Variants in GAN observed in about 807,000 individuals in gnomAD.
GAN encodes epididymis secretory sperm binding protein.
In GAN, 48 loss-of-function variants were observed where a neutral mutation model predicts 71.3. The observed-to-expected ratio is 0.67, with a 90% confidence interval of 0.53 to 0.86. GAN has a LOEUF of 0.86. Ranked by LOEUF, GAN falls within the 40% of genes least tolerant of loss-of-function variation. The pLI is 0.00. For missense variants in GAN, 928 were observed against 770.1 expected (o/e 1.21, Z -2.43); for synonymous variants, 386 against 276.8 (o/e 1.39, Z -3.92).
At chr16:81,320,204 T>C (rs1238464701) in intron 1 of GAN, among the ~76,000 whole-genome samples, 1 of 152,210 alleles carries the variant, frequency 6.6e-6, no homozygotes, top group Non-Finnish European at 1.5e-5. Flanking sequence ...AGGAGACTAA[T>C]AGGATCTCTG....
rs1487225384 is a variant in GAN at position 81,389,219 on chromosome 16, T to G, written c.*11623T>G. 6.6e-6 allele frequency: 1 copy of G among 152,232 alleles called. No individual in the cohort carries two copies. Among genetic ancestry groups the G allele is most frequent in the East Asian group, 1.9e-4 (1 of 5,200 alleles). The allele number at this position is 152,232 out of a possible 1,614,324, so 9.4% of individuals were successfully genotyped here. ...TATTAGCACAACTTGCTTCATTAAA[T>G]AATTCGTGGCTTTTTCTGCCACTGG... On this transcript the variant is annotated 3_prime_UTR_variant, in exon 11 of 11. Transcript: ENST00000648994.
At chr16:81,330,559 G>C (rs1909541921) in intron 1 of GAN, among the ~76,000 whole-genome samples, 1 of 152,264 alleles carries the variant, frequency 6.6e-6, no homozygotes, top group Admixed American at 6.5e-5. Context: ...AAATGGAGGA[G>C]AGGAGACAGG....
At chr16:81,351,913 C>G (rs769297517) in intron 2 of GAN, among the ~76,000 whole-genome samples, 1 of 152,146 alleles carries the variant, frequency 6.6e-6, no homozygotes, top group Non-Finnish European at 1.5e-5. Context: ...ATCTTAGACT[C>G]AAATCTCAGT....
At position 81,356,997 on chromosome 16, in the gene GAN, G is replaced by T. The variant is rs778114770; in HGVS notation, c.846G>T (p.Glu282Asp). The T allele has an allele frequency of 6.3e-7, 1 of 1,593,506 alleles. No individual in the cohort carries two copies. Among genetic ancestry groups the T allele is most frequent in the Non-Finnish European group, 8.6e-7 (1 of 1,162,356 alleles). The change falls in exon 4 of 11, where the codon GAG becomes GAT. Residue 282 changes from glutamate to aspartate, a missense_variant. By Grantham distance (45) the Glu-to-Asp change is conservative. Coordinates refer to ENST00000648994, the MANE Select transcript of GAN (RefSeq NM_022041.4). ...GCATCGTGACTGTTGGTGGAGAAGA[G>T]AGAGTGTAAGTATGAGGTGGGACTT... ...SECIVTVGGE[E>D]RVSRKPTAAM...
chr16:81,358,365 C>T (rs974774746), intron 5 of GAN, among the ~76,000 whole-genome samples: 2 of 152,018 alleles, frequency 1.3e-5, no homozygotes, highest in South Asian at 2.1e-4. Context: ...CTGTAATCCC[C>T]GCAGTTTAGG....
intron 5 of GAN, among the ~76,000 whole-genome samples, chr16:81,360,068 T>TAGATAGATGGAC (rs1555511538): frequency 2.7e-5 from 4 of 145,816 alleles, no homozygotes; most frequent in African/African-American, 5.1e-5. Flanking sequence ...GATGGATGGA[T>TAGATAGATGGAC]AGATGGATGG....
intron 1 of GAN, among the ~76,000 whole-genome samples, chr16:81,345,497 C>G (rs2150680377): frequency 6.6e-6 from 1 of 152,066 alleles, no homozygotes; most frequent in East Asian, 1.9e-4. Flanking sequence ...GTCACAAGAT[C>G]AGAAAACCAA....
At chr16:81,320,602 C>T (rs1028205740) in intron 1 of GAN, among the ~76,000 whole-genome samples, 5 of 152,162 alleles carry the variant, frequency 3.3e-5, no homozygotes, top group African/African-American at 4.8e-5. Context: ...TAGCAGCTCC[C>T]GAATGATTGT....
intron 9 of GAN, among the ~76,000 whole-genome samples, chr16:81,370,923 C>T (rs2150695176): frequency 6.6e-6 from 1 of 152,330 alleles, no homozygotes; most frequent in Admixed American, 6.5e-5. Context: ...TTCTAAGGCA[C>T]ACCATGAAAG....
chr16:81,330,025 C>T (rs892223308), intron 1 of GAN, among the ~76,000 whole-genome samples: 4 of 152,162 alleles, frequency 2.6e-5, no homozygotes, highest in African/African-American at 7.2e-5. Context: ...ATCATCACCT[C>T]GCTCACTCTC....
chr16:81,361,476 G>C (rs1004469343), intron 5 of GAN, among the ~76,000 whole-genome samples: 1 of 152,168 alleles, frequency 6.6e-6, no homozygotes, highest in African/African-American at 2.4e-5. Context: ...TGACAGTGTA[G>C]AACTTTGGAG....
chr16:81,326,243 T>C (rs7499639), intron 1 of GAN, among the ~76,000 whole-genome samples: 140,633 of 152,172 alleles, frequency 0.92, 65,067 homozygotes, highest in Middle Eastern at 0.95. Flanking sequence ...GTTGGTTGGG[T>C]GCCGTGGCTC....
chr16:81,344,816 A>G (rs1335146556), intron 1 of GAN, among the ~76,000 whole-genome samples: 2 of 152,216 alleles, frequency 1.3e-5, no homozygotes, highest in Non-Finnish European at 2.9e-5. Context: ...TGAACGGGCA[A>G]CCTACAGAAT....
chr16:81,356,700 T>A, intron 3 of GAN, 85 bp from the exon 4 acceptor site: 1 of 966,944 alleles, frequency 1.0e-6, no homozygotes. Flanking sequence ...CAGTTTGTTT[T>A]CCATGAGGTG....
intron 1 of GAN, among the ~76,000 whole-genome samples, chr16:81,326,656 G>C (rs1489993324): frequency 6.6e-6 from 1 of 152,236 alleles, no homozygotes; most frequent in East Asian, 1.9e-4. Context: ...ATCACAGAGT[G>C]TACAAACCTA....
intron 1 of GAN, among the ~76,000 whole-genome samples, chr16:81,337,408 A>G (rs1909799941): frequency 6.6e-6 from 1 of 152,176 alleles, no homozygotes; most frequent in African/African-American, 2.4e-5. Context: ...TTTATTGGAG[A>G]CAAGCTTTTA....
intron 9 of GAN, among the ~76,000 whole-genome samples, chr16:81,368,561 G>T (rs921115398): frequency 1.3e-5 from 2 of 152,190 alleles, no homozygotes; most frequent in African/African-American, 4.8e-5. Context: ...AGTAGACCAT[G>T]ATCGTGCCAC....
chr16:81,348,958 C>A (rs1457141363), intron 1 of GAN, among the ~76,000 whole-genome samples: 1 of 152,024 alleles, frequency 6.6e-6, no homozygotes, highest in African/African-American at 2.4e-5. Context: ...TTCTGTTAAC[C>A]CTCTCAGTTA....
chr16:81,332,456 C>T (rs1337784547), intron 1 of GAN, among the ~76,000 whole-genome samples: 2 of 152,238 alleles, frequency 1.3e-5, no homozygotes, highest in East Asian at 3.8e-4. Context: ...TCAACTTTCA[C>T]ACCTGGGATG....
Sources: allele counts gnomAD v4.1 joint callset (sites outside exome capture counted in the v4.1 genomes callset), GRCh38; gene constraint gnomAD v4.1.1; transcripts MANE v1.5; gene names NCBI Gene and HGNC (gene_info 2026-07-23, HGNC 2026-07-21).